Variants in GABRG3 observed in about 807,000 individuals in gnomAD.
GABRG3 encodes the protein gamma-aminobutyric acid type A receptor subunit gamma3.
In GABRG3, 25 loss-of-function variants were observed where a neutral mutation model predicts 48.8. The observed-to-expected ratio is 0.51, with a 90% CI of 0.37 to 0.72. The LOEUF (loss-of-function observed/expected upper bound fraction) is 0.72. Among genes scored for constraint, GABRG3 ranks in the 30% least tolerant of loss-of-function variants. GABRG3 has a pLI of 0.00. For missense variants in GABRG3, 394 were observed against 577.9 expected, an observed-to-expected ratio of 0.68 and a Z score of 3.26; for synonymous variants, 227 against 217.6, an observed-to-expected ratio of 1.04 and a Z score of -0.38.
intron 3 of GABRG3, among the ~76,000 whole-genome samples, chr15:27,322,126 A>G (rs964971703): frequency 6.6e-6 from 1 of 152,268 alleles, no homozygotes; most frequent in Non-Finnish European, 1.5e-5. Flanking sequence ...AGGATGATTA[A>G]TGCCATTACA....
At chr15:27,466,326 A>T (rs1034509795) in intron 5 of GABRG3, among the ~76,000 whole-genome samples, 1 of 152,178 alleles carries the variant, frequency 6.6e-6, no homozygotes, top group African/African-American at 2.4e-5. Flanking sequence ...GATTCCCCTG[A>T]GTCAATTCCA....
chr15:27,389,300 G>C (rs905752576), intron 5 of GABRG3, among the ~76,000 whole-genome samples: 1 of 152,196 alleles, frequency 6.6e-6, no homozygotes, highest in Non-Finnish European at 1.5e-5. Flanking sequence ...CCAGTGGTAA[G>C]TGTGTGTGGA....
chr15:26,997,212 A>G (rs1299155955), intron 2 of GABRG3, among the ~76,000 whole-genome samples: 1 of 152,110 alleles, frequency 6.6e-6, no homozygotes, highest in African/African-American at 2.4e-5. Flanking sequence ...TCTGTTTCAT[A>G]AGATTTTGTT....
At chr15:27,178,074 A>C (rs1049644359) in intron 3 of GABRG3, among the ~76,000 whole-genome samples, 6 of 152,178 alleles carry the variant, frequency 3.9e-5, no homozygotes, top group African/African-American at 1.4e-4. Flanking sequence ...ACCCAGATGG[A>C]GGATTCTTGT....
At chr15:27,218,247 C>CA (rs1262135341) in intron 3 of GABRG3, among the ~76,000 whole-genome samples, 2 of 152,160 alleles carry the variant, frequency 1.3e-5, no homozygotes, top group African/African-American at 4.8e-5. Flanking sequence ...TGTCCAGCCT[C>CA]AGCCTCCCAA....
intron 3 of GABRG3, among the ~76,000 whole-genome samples, chr15:27,220,585 G>A (rs78503707): frequency 1.3e-5 from 2 of 152,144 alleles, no homozygotes; most frequent in African/African-American, 4.8e-5. Flanking sequence ...ACAGCAGTGG[G>A]CATTTTCCAT....
At chr15:27,195,825 G>T (rs1173946967) in intron 3 of GABRG3, among the ~76,000 whole-genome samples, 1 of 152,118 alleles carries the variant, frequency 6.6e-6, no homozygotes, top group African/African-American at 2.4e-5. Flanking sequence ...AGTAGAGACG[G>T]GGTTTCACTA....
At chr15:27,309,124 A>G (rs1023078085) in intron 3 of GABRG3, among the ~76,000 whole-genome samples, 1 of 148,326 alleles carries the variant, frequency 6.7e-6, no homozygotes, top group African/African-American at 2.4e-5. Flanking sequence ...AGAAACATAT[A>G]ATGTAAACAT....
chr15:27,382,801 G>T (rs1895815502), intron 5 of GABRG3, among the ~76,000 whole-genome samples: 1 of 152,096 alleles, frequency 6.6e-6, no homozygotes, highest in South Asian at 2.1e-4. Flanking sequence ...GTATCAAGTT[G>T]TTGTTTACAG....
chr15:27,019,083 T>C (rs1332638103), intron 2 of GABRG3, among the ~76,000 whole-genome samples: 4 of 125,846 alleles, frequency 3.2e-5, no homozygotes, highest in Non-Finnish European at 6.9e-5. Flanking sequence ...TTTTTTTTTT[T>C]TTTGAGATGG....
chr15:27,213,841 T>G (rs911124028), intron 3 of GABRG3, among the ~76,000 whole-genome samples: 3 of 152,200 alleles, frequency 2.0e-5, no homozygotes, highest in East Asian at 3.8e-4. Context: ...TCCACACTTG[T>G]GGTGAAAGCT....
At chr15:27,100,845 C>T (rs968024643) in intron 3 of GABRG3, among the ~76,000 whole-genome samples, 1 of 152,206 alleles carries the variant, frequency 6.6e-6, no homozygotes, top group Non-Finnish European at 1.5e-5. Flanking sequence ...TAAGCATCTA[C>T]AAAATGCACG....
intron 2 of GABRG3, among the ~76,000 whole-genome samples, chr15:27,003,096 G>GA (rs1284133816): frequency 1.3e-5 from 2 of 151,534 alleles, no homozygotes; most frequent in Non-Finnish European, 2.9e-5. Context: ...ATAAATTACA[G>GA]AATTTGGTTT....
At chr15:27,467,993 C>G (rs1284975520) in intron 5 of GABRG3, among the ~76,000 whole-genome samples, 1 of 152,178 alleles carries the variant, frequency 6.6e-6, no homozygotes, top group Non-Finnish European at 1.5e-5. Flanking sequence ...CAAATCGTCC[C>G]CTTCTCCAGG....
intron 3 of GABRG3, among the ~76,000 whole-genome samples, chr15:27,321,078 C>T (rs1893409111): frequency 6.6e-6 from 1 of 152,190 alleles, no homozygotes; most frequent in Non-Finnish European, 1.5e-5. Flanking sequence ...CTGACTGCTG[C>T]ACCCCTCACC....
intron 5 of GABRG3, among the ~76,000 whole-genome samples, chr15:27,404,403 C>A (rs1032624796): frequency 1.3e-5 from 2 of 152,148 alleles, no homozygotes; most frequent in Non-Finnish European, 2.9e-5. Flanking sequence ...TCACTGGGCT[C>A]CCTGAGCCTG....
chr15:27,390,203 C>T (rs1463524952), intron 5 of GABRG3, among the ~76,000 whole-genome samples: 1 of 152,146 alleles, frequency 6.6e-6, no homozygotes, highest in African/African-American at 2.4e-5. Context: ...ATTGATTTTG[C>T]TTCTTTCGTA....
chr15:27,272,221 C>G (rs1275948893), intron 3 of GABRG3, among the ~76,000 whole-genome samples: 1 of 152,226 alleles, frequency 6.6e-6, no homozygotes, highest in African/African-American at 2.4e-5. Context: ...GGAGTTTTAG[C>G]TATTCTCACA....
chr15:27,481,141 T>G, intron 6 of GABRG3: 1 of 1,054,140 alleles, frequency 9.5e-7, no homozygotes, highest in Non-Finnish European at 1.1e-6. Context: ...TTATTGAGAA[T>G]CCACACATAA....
Sources: allele counts gnomAD v4.1 joint callset (sites outside exome capture counted in the v4.1 genomes callset), GRCh38; gene constraint gnomAD v4.1.1; transcripts MANE v1.5; gene names NCBI Gene and HGNC (gene_info 2026-07-23, HGNC 2026-07-21).